The following SMOC1 variants were observed in gnomAD, a reference collection of about 807,000 sequenced individuals.
SMOC1 encodes the protein SPARC-related modular calcium-binding protein 1.
In SMOC1, 22 loss-of-function variants were observed where a neutral mutation model predicts 56.3. The observed-to-expected ratio is 0.39, with a 90% CI of 0.28 to 0.56. SMOC1 has a LOEUF of 0.56. Ranked by LOEUF, SMOC1 falls within the 20% of genes least tolerant of loss-of-function variation. SMOC1 has a pLI of 0.61. For missense variants in SMOC1, 509 were observed against 565.4 expected (o/e 0.90, Z 1.01); for synonymous variants, 193 against 215.0 (o/e 0.90, Z 0.89).
At chr14:69,927,350 T>A (rs186703567) in intron 1 of SMOC1, among the ~76,000 whole-genome samples, 1 of 152,212 alleles carries the variant, frequency 6.6e-6, no homozygotes, top group East Asian at 1.9e-4. Context: ...TGCTTGAGAA[T>A]GTGAGGGGAT....
At chr14:69,907,602 C>G (rs1884445197) in intron 1 of SMOC1, among the ~76,000 whole-genome samples, 1 of 152,156 alleles carries the variant, frequency 6.6e-6, no homozygotes, top group Non-Finnish European at 1.5e-5. Context: ...GGGTAATGTG[C>G]CTCTCATTAG....
chr14:69,927,325 G>A (rs1457305677), intron 1 of SMOC1, among the ~76,000 whole-genome samples: 1 of 152,232 alleles, frequency 6.6e-6, no homozygotes, highest in Non-Finnish European at 1.5e-5. Flanking sequence ...TGCTGGACAG[G>A]AAAGGCTTTA....
chr14:69,986,393 A>G (rs1461079187), intron 5 of SMOC1, among the ~76,000 whole-genome samples: 1 of 152,168 alleles, frequency 6.6e-6, no homozygotes, highest in Non-Finnish European at 1.5e-5. Flanking sequence ...CACACAAATG[A>G]GTGCATTTAA....
At chr14:70,023,804 GGT>G (rs907748752) in intron 11 of SMOC1, among the ~76,000 whole-genome samples, 33 of 149,456 alleles carry the variant, frequency 2.2e-4, no homozygotes, top group Admixed American at 4.7e-4. Context: ...CAGGTTGTAG[GGT>G]GTGTGTGTGT....
At chr14:69,935,374 T>C (rs61980649) in intron 1 of SMOC1, among the ~76,000 whole-genome samples, 7,314 of 152,274 alleles carry the variant, frequency 0.048, 226 homozygotes, top group Non-Finnish European at 0.073. Flanking sequence ...AGAAATAGTT[T>C]CTTATACAAG....
At chr14:69,967,148 A>G (rs1757995690) in intron 3 of SMOC1, among the ~76,000 whole-genome samples, 1 of 152,224 alleles carries the variant, frequency 6.6e-6, no homozygotes, top group Admixed American at 6.5e-5. Context: ...CTCATAAAAA[A>G]TGCAGTTGAC....
At chr14:69,927,238 A>T (rs896666026) in intron 1 of SMOC1, among the ~76,000 whole-genome samples, 1 of 152,238 alleles carries the variant, frequency 6.6e-6, no homozygotes, top group Non-Finnish European at 1.5e-5. Context: ...GGCTTCAAAA[A>T]GTCTGGGCTT....
chr14:69,941,793 T>C (rs1013382864), intron 1 of SMOC1, among the ~76,000 whole-genome samples: 11 of 152,222 alleles, frequency 7.2e-5, no homozygotes, highest in African/African-American at 2.4e-4. Context: ...GGTGTACCTG[T>C]TGTGATTCTC....
intron 1 of SMOC1, among the ~76,000 whole-genome samples, chr14:69,914,169 C>A (rs74063003): frequency 0.01 from 1,537 of 152,200 alleles, 31 homozygotes; most frequent in African/African-American, 0.035. Flanking sequence ...AAGCCCTGGG[C>A]GTGATTCTGA....
At chr14:70,023,860 G>GGTAGGA (rs1434631529) in intron 11 of SMOC1, among the ~76,000 whole-genome samples, 1 of 151,010 alleles carries the variant, frequency 6.6e-6, no homozygotes, top group Non-Finnish European at 1.5e-5. Flanking sequence ...TGTGTGTAGG[G>GGTAGGA]GTAGGAGTAG....
intron 1 of SMOC1, among the ~76,000 whole-genome samples, chr14:69,880,844 G>T (rs1883618985): frequency 6.6e-6 from 1 of 152,212 alleles, no homozygotes; most frequent in African/African-American, 2.4e-5. Flanking sequence ...CAGATTGCAG[G>T]TTGTTTATTC....
chr14:69,880,606 T>G (rs1174973814), intron 1 of SMOC1, among the ~76,000 whole-genome samples: 1 of 152,224 alleles, frequency 6.6e-6, no homozygotes, highest in African/African-American at 2.4e-5. Context: ...ATAAAGAATT[T>G]CACTGCCTTG....
chr14:69,899,371 A>G (rs1884182252), intron 1 of SMOC1, among the ~76,000 whole-genome samples: 1 of 152,144 alleles, frequency 6.6e-6, no homozygotes, highest in Non-Finnish European at 1.5e-5. Flanking sequence ...TCCTTTTGGT[A>G]CTATTCTCGT....
At chr14:69,914,688 T>A (rs1884638952) in intron 1 of SMOC1, among the ~76,000 whole-genome samples, 1 of 152,188 alleles carries the variant, frequency 6.6e-6, no homozygotes, top group Admixed American at 6.5e-5. Context: ...CCTCTCTAAG[T>A]CTTACCTGGT....
chr14:70,030,564 G>C lies in SMOC1; in HGVS notation c.*306G>C, dbSNP rs916253961. 2.3e-5 allele frequency: 10 copies of C among 427,536 alleles called. No homozygotes were observed. The highest frequency in any genetic ancestry group is 2.3e-4 in the South Asian group (4 of 17,184). The allele number at this position is 427,536 out of a possible 1,614,324, so 26.5% of individuals were successfully genotyped here. A position where few individuals can be genotyped will look rare whatever the true frequency, so the allele number is the denominator to read the frequency against. On this transcript the variant is annotated 3_prime_UTR_variant, in exon 12 of 12. Coordinates refer to ENST00000361956, the MANE Select transcript of SMOC1 (RefSeq NM_001034852.3). ...TTTTGGGGGGGTGGGGGAGGGTGTT[G>C]TTGGGGCTGAGAAGAAAGAGATTTA...
intron 4 of SMOC1, among the ~76,000 whole-genome samples, chr14:69,976,274 CT>C (rs1883949473): frequency 6.6e-6 from 1 of 152,166 alleles, no homozygotes. Flanking sequence ...CTCACCACCC[CT>C]GAAGAATGTA....
intron 5 of SMOC1, among the ~76,000 whole-genome samples, chr14:69,986,570 C>T (rs1162252971): frequency 1.3e-5 from 2 of 152,132 alleles, no homozygotes; most frequent in African/African-American, 4.8e-5. Context: ...TACACAGGAC[C>T]TCTCTGTATT....
chr14:69,886,896 T>C (rs1269382894), intron 1 of SMOC1, among the ~76,000 whole-genome samples: 1 of 152,232 alleles, frequency 6.6e-6, no homozygotes, highest in African/African-American at 2.4e-5. Context: ...AACAATCATC[T>C]TAGAATCTCT....
chr14:69,903,120 T>C (rs575283990), intron 1 of SMOC1, among the ~76,000 whole-genome samples: 1 of 148,092 alleles, frequency 6.8e-6, no homozygotes, highest in East Asian at 2.1e-4. Flanking sequence ...GGCTGCCCAG[T>C]CTGGGAAGTG....
Sources: allele counts gnomAD v4.1 joint callset (sites outside exome capture counted in the v4.1 genomes callset), GRCh38; gene constraint gnomAD v4.1.1; transcripts MANE v1.5; gene names NCBI Gene and HGNC (gene_info 2026-07-23, HGNC 2026-07-21).